EFNA5: variants seen among roughly 807,000 people sequenced by gnomAD.
EFNA5 encodes the protein ephrin A5.
EFNA5 carries 5 observed loss-of-function variants against 22.9 expected under a neutral mutation model. The ratio of observed to expected loss-of-function variants is 0.22; its 90% confidence interval spans 0.11 to 0.46. The LOEUF (loss-of-function observed/expected upper bound fraction) is 0.46, where lower values mean the gene tolerates loss of function less well. Ranked by LOEUF, EFNA5 falls within the 20% of genes least tolerant of loss-of-function variation. The pLI, the probability that EFNA5 is intolerant of heterozygous loss-of-function variation, is 0.99. For synonymous variants in EFNA5, 113 were observed against 112.2 expected (o/e 1.01, Z -0.04); for missense variants, 237 against 293.3 (o/e 0.81, Z 1.40).
intron 2 of EFNA5, among the ~76,000 whole-genome samples, chr5:107,424,960 G>T (rs545182073): frequency 6.6e-6 from 1 of 152,100 alleles, no homozygotes; most frequent in African/African-American, 2.4e-5. Context: ...TCTTGTTAAT[G>T]AACATCTTTT....
chr5:107,526,330 G>A (rs2112447725), intron 1 of EFNA5, among the ~76,000 whole-genome samples: 1 of 152,342 alleles, frequency 6.6e-6, no homozygotes, highest in South Asian at 2.1e-4. Context: ...TTCTAGCTCT[G>A]TAGGTCTACA....
chr5:107,437,456 C>A (rs543498523), intron 1 of EFNA5, among the ~76,000 whole-genome samples: 158 of 152,240 alleles, frequency 1.0e-3, no homozygotes, highest in Non-Finnish European at 1.6e-3. Context: ...TCATTAGAAA[C>A]GAGGTGGTGA....
intron 1 of EFNA5, among the ~76,000 whole-genome samples, chr5:107,555,701 G>A (rs770335080): frequency 2.6e-5 from 4 of 152,176 alleles, no homozygotes; most frequent in Non-Finnish European, 5.9e-5. Flanking sequence ...TAGCTAATCT[G>A]ATTTTGCTAC....
intron 1 of EFNA5, among the ~76,000 whole-genome samples, chr5:107,466,464 G>C (rs779908273): frequency 6.6e-6 from 1 of 152,130 alleles, no homozygotes; most frequent in Non-Finnish European, 1.5e-5. Flanking sequence ...GCAAGTCTCA[G>C]TGTCTGCCTG....
intron 1 of EFNA5, among the ~76,000 whole-genome samples, chr5:107,489,586 G>C (rs1746743747): frequency 6.6e-6 from 1 of 151,932 alleles, no homozygotes; most frequent in African/African-American, 2.4e-5. Flanking sequence ...CATTCTAAAA[G>C]GTACCTGGAA....
chr5:107,400,176 A>C (rs1040270923), intron 2 of EFNA5, among the ~76,000 whole-genome samples: 1 of 152,182 alleles, frequency 6.6e-6, no homozygotes, highest in East Asian at 1.9e-4. Context: ...TAATTCACCA[A>C]GGTTTTAAAT....
chr5:107,618,136 A>G (rs1035689988), intron 1 of EFNA5, among the ~76,000 whole-genome samples: 10 of 152,214 alleles, frequency 6.6e-5, no homozygotes, highest in Admixed American at 1.3e-4. Context: ...CAATATCTTT[A>G]TGTGCATAGT....
chr5:107,437,788 C>T (rs1749155184), intron 1 of EFNA5, among the ~76,000 whole-genome samples: 1 of 151,916 alleles, frequency 6.6e-6, no homozygotes, highest in African/African-American at 2.4e-5. Flanking sequence ...GTTCTGGGTC[C>T]CAGTATAAAA....
At chr5:107,642,956 C>G (rs1750558270) in intron 1 of EFNA5, among the ~76,000 whole-genome samples, 1 of 148,026 alleles carries the variant, frequency 6.8e-6, no homozygotes, top group African/African-American at 2.5e-5. Flanking sequence ...AAAAACTAAT[C>G]TAGACGATCT....
At chr5:107,663,511 C>T (rs1319879693) in intron 1 of EFNA5, among the ~76,000 whole-genome samples, 1 of 152,068 alleles carries the variant, frequency 6.6e-6, no homozygotes, top group African/African-American at 2.4e-5. Flanking sequence ...TTTTAGTTCA[C>T]ACCAGAATCG....
At chr5:107,649,543 G>A (rs188042597) in intron 1 of EFNA5, among the ~76,000 whole-genome samples, 141 of 152,114 alleles carry the variant, frequency 9.3e-4, no homozygotes, top group African/African-American at 1.3e-3. Context: ...TTTTACATGC[G>A]TTTACTTTCT....
rs533453014 is a variant in EFNA5, at chr5:107,427,589, T to C, written c.126-80A>G. The C allele has an allele frequency of 1.2e-3, 1,598 of 1,339,932 alleles. 2 individuals carry two copies. Among genetic ancestry groups the C allele is most frequent in the Non-Finnish European group, 1.6e-3 (1,549 of 986,820 alleles). The allele number at this position is 1,339,932 out of a possible 1,614,324, so 83.0% of individuals were successfully genotyped here. ...TGGAATCAGTGGTTAAGCCATTCAATAATTTTGGAGCTAAAGCATCTAGTA... is the reference window on the plus strand; with the variant it reads ...TGGAATCAGTGGTTAAGCCATTCAACAATTTTGGAGCTAAAGCATCTAGTA... On this transcript the variant is annotated intron_variant, in intron 1 of 4. Transcript: ENST00000333274.
chr5:107,381,121 G>C lies in EFNA5; in HGVS notation c.*134C>G. 1.5e-6 allele frequency: 2 copies of C among 1,320,778 alleles called. No individual in the cohort carries two copies. The highest frequency in any genetic ancestry group is 2.0e-6 in the Non-Finnish European group (2 of 982,790). The allele number at this position is 1,320,778 out of a possible 1,614,324, so 81.8% of individuals were successfully genotyped here. ...GAAGTTGTTGCTTAGAATTCAGGCT[G>C]AAAGAAAGAAAACAAAAATCTGACA... On this transcript the variant is annotated 3_prime_UTR_variant, in exon 5 of 5. Coordinates refer to ENST00000333274, the MANE Select transcript of EFNA5 (RefSeq NM_001962.3).
intron 1 of EFNA5, among the ~76,000 whole-genome samples, chr5:107,457,927 T>C (rs1377692267): frequency 1.3e-5 from 2 of 152,204 alleles, no homozygotes; most frequent in African/African-American, 4.8e-5. Context: ...GTGGGTGTTG[T>C]TATTTTCATT....
intron 1 of EFNA5, among the ~76,000 whole-genome samples, chr5:107,502,553 G>T (rs1432386287): frequency 6.6e-6 from 1 of 152,042 alleles, no homozygotes; most frequent in African/African-American, 2.4e-5. Context: ...TCATCTGTGG[G>T]GCTTTTGACA....
intron 1 of EFNA5, among the ~76,000 whole-genome samples, chr5:107,543,435 A>G (rs1278494231): frequency 6.6e-6 from 1 of 152,194 alleles, no homozygotes; most frequent in African/African-American, 2.4e-5. Context: ...GGCTGGATGG[A>G]AATGAAGGGG....
intron 1 of EFNA5, among the ~76,000 whole-genome samples, chr5:107,453,570 G>A (rs1472759372): frequency 1.3e-5 from 2 of 152,142 alleles, no homozygotes; most frequent in Non-Finnish European, 2.9e-5. Context: ...CTATTTATAG[G>A]TAATTGATTT....
chr5:107,402,293 G>C (rs1231247248), intron 2 of EFNA5, among the ~76,000 whole-genome samples: 1 of 152,150 alleles, frequency 6.6e-6, no homozygotes, highest in Non-Finnish European at 1.5e-5. Flanking sequence ...AAAATGGCAA[G>C]ATTTAATTGT....
chr5:107,544,552 G>A (rs1267064890), intron 1 of EFNA5, among the ~76,000 whole-genome samples: 1 of 152,122 alleles, frequency 6.6e-6, no homozygotes, highest in Non-Finnish European at 1.5e-5. Context: ...AGTAGCACTT[G>A]GAAAAAGCAA....
Sources: gnomAD v4.1 joint callset for allele counts (sites outside exome capture counted in the v4.1 genomes callset) on GRCh38, gnomAD v4.1.1 for gene constraint, MANE v1.5 for transcripts, NCBI Gene and HGNC (gene_info 2026-07-23, HGNC 2026-07-21) for gene names.